ZNF100: variants seen among roughly 807,000 people sequenced by gnomAD.
ZNF100 encodes zinc finger protein 100.
ZNF100 carries 12 observed loss-of-function variants against 15.8 expected under a neutral mutation model. The ratio of observed to expected loss-of-function variants is 0.76; its 90% CI spans 0.49 to 1.23. The LOEUF (loss-of-function observed/expected upper bound fraction) is 1.23, where lower values mean the gene tolerates loss of function less well. ZNF100 is among the 50% of genes most tolerant of loss of function. The probability of loss-of-function intolerance (pLI) is 0.00; values close to 1 mark genes in which losing one functional copy is unlikely to be tolerated. For synonymous variants in ZNF100, 226 were observed against 214.8 expected (o/e 1.05, Z -0.45); for missense variants, 670 against 635.6 (o/e 1.05, Z -0.58).
At chr19:21,760,703 T>C (rs2036468381) in intron 2 of ZNF100, among the ~76,000 whole-genome samples, 1 of 151,574 alleles carries the variant, frequency 6.6e-6, no homozygotes, top group South Asian at 2.1e-4. Context: ...TAAATGCAAG[T>C]TTCTGATAAC....
In ZNF100 at chr19:21,726,123, T is replaced by C. The variant is rs1372738083; in HGVS notation, c.*560A>G. On this transcript the variant is annotated 3_prime_UTR_variant, in exon 5 of 5. Coordinates refer to ENST00000358296, the MANE Select transcript of ZNF100 (RefSeq NM_173531.4). Reference sequence around the variant, plus strand: ...ACAAGTAAACATATTACAATTCTACTACAATGTTCTTCTTCAAAATACTCT... The same window carrying C: ...ACAAGTAAACATATTACAATTCTACCACAATGTTCTTCTTCAAAATACTCT... 1 of 152,616 alleles carries C rather than the reference T, an allele frequency of 6.6e-6. No individual in the cohort carries two copies. The highest frequency in any genetic ancestry group is 6.5e-5 in the Admixed American group (1 of 15,316). 9.5% of individuals were successfully genotyped at this position (152,616 alleles called of 1,614,324 possible). A position where few individuals can be genotyped will look rare whatever the true frequency, so the allele number is the denominator to read the frequency against.
At chr19:21,751,860 G>C in intron 2 of ZNF100, 1 of 741,306 alleles carries the variant, frequency 1.3e-6, no homozygotes, top group Non-Finnish European at 2.3e-6. Flanking sequence ...GCTGTAAGAA[G>C]GTCTTTCAGC....
chr19:21,730,445 AGTGTGTGTGTGTGTGTGTGT>A (rs58942514), intron 4 of ZNF100, among the ~76,000 whole-genome samples: 1 of 147,606 alleles, frequency 6.8e-6, no homozygotes, highest in Admixed American at 6.9e-5. Context: ...TGATAACCTA[AGTGTGTGTGTGTGTGTGTGT>A]GTGTGTGTGT....
At chr19:21,750,784 G>A in intron 2 of ZNF100, 1 of 386,976 alleles carries the variant, frequency 2.6e-6, no homozygotes, top group Non-Finnish European at 4.6e-6. Context: ...GGCGGCTGCT[G>A]AGGGCGGCGA....
At chr19:21,756,837 T>C (rs531440787) in intron 2 of ZNF100, among the ~76,000 whole-genome samples, 1 of 152,270 alleles carries the variant, frequency 6.6e-6, no homozygotes, top group South Asian at 2.1e-4. Flanking sequence ...CTCTTCAAAC[T>C]ACACTACAGG....
At chr19:21,738,808 T>C (rs1240462334) in intron 4 of ZNF100, among the ~76,000 whole-genome samples, 3 of 152,084 alleles carry the variant, frequency 2.0e-5, no homozygotes, top group Non-Finnish European at 2.9e-5. Flanking sequence ...TAGCTGGGCA[T>C]GGTGGCGGGT....
intron 2 of ZNF100, among the ~76,000 whole-genome samples, chr19:21,760,774 T>TTTTG (rs2036471017): frequency 2.0e-5 from 2 of 99,944 alleles, no homozygotes; most frequent in East Asian, 3.0e-4. Context: ...TTTTTTTTTT[T>TTTTG]GAGATGGAGT....
At chr19:21,735,977 A>C (rs1393524569) in intron 4 of ZNF100, among the ~76,000 whole-genome samples, 1 of 151,940 alleles carries the variant, frequency 6.6e-6, no homozygotes, top group Non-Finnish European at 1.5e-5. Flanking sequence ...TTTAGTAGAG[A>C]CGGGGTTTCA....
chr19:21,751,108 AC>A, intron 2 of ZNF100: 1 of 1,433,082 alleles, frequency 7.0e-7, no homozygotes, highest in South Asian at 1.1e-5. Flanking sequence ...AAGGGCAAGC[AC>A]AAGTTTCCTG....
At chr19:21,728,124 A>G in intron 4 of ZNF100, 135 bp from the exon 5 acceptor site, 1 of 847,630 alleles carries the variant, frequency 1.2e-6, no homozygotes, top group East Asian at 3.2e-5. Flanking sequence ...TTATAGACAT[A>G]TAAATGTAAA....
chr19:21,746,778 TAGA>T (rs2036218090), intron 2 of ZNF100: 1 of 152,132 alleles, frequency 6.6e-6, no homozygotes, highest in Admixed American at 6.6e-5. Context: ...CATGAGACTC[TAGA>T]AAAGAGTGGA....
intron 2 of ZNF100, among the ~76,000 whole-genome samples, chr19:21,759,630 T>C (rs2036448298): frequency 6.6e-6 from 1 of 152,148 alleles, no homozygotes; most frequent in Non-Finnish European, 1.5e-5. Flanking sequence ...TAAAACAGTT[T>C]GCAGTAAAGA....
intron 2 of ZNF100, among the ~76,000 whole-genome samples, chr19:21,745,599 T>C (rs941665714): frequency 1.3e-5 from 2 of 151,854 alleles, no homozygotes; most frequent in African/African-American, 4.8e-5. Flanking sequence ...CTCGGCTCAC[T>C]GCAAGCTCCG....
Position 21,727,136 on chromosome 19 carries a change from C to A in ZNF100, c.1176G>T (p.Lys392Asn), listed in dbSNP as rs778148854. The A allele has an allele frequency of 2.2e-5, 35 of 1,611,600 alleles. 1 individual carries two copies. The South Asian group carries it at 3.7e-4, about 17-fold the overall frequency. Residue 392 changes from lysine to asparagine, a missense_variant, in exon 5 of 5, where the codon AAG (lysine) becomes AAT (asparagine). By Grantham distance (94) the Lys-to-Asn change is moderately conservative. Coordinates refer to ENST00000358296, the MANE Select transcript of ZNF100 (RefSeq NM_173531.4). ...AGAATTTCTCTCCAGTATGACTTGT[C>A]TTATGTTTAGTAAGGTATGAGAATC... ...FYRFSYLTKHKTSHTGEKFYK... is the reference protein window; with the variant it reads ...FYRFSYLTKHNTSHTGEKFYK...
intron 4 of ZNF100, among the ~76,000 whole-genome samples, chr19:21,740,285 C>A (rs536749316): frequency 5.9e-5 from 9 of 152,256 alleles, no homozygotes; most frequent in African/African-American, 2.2e-4. Context: ...AAAGTTGGAT[C>A]ATTTCCTTGA....
chr19:21,742,190 G>A (rs1347989750), intron 4 of ZNF100, among the ~76,000 whole-genome samples: 9 of 151,580 alleles, frequency 5.9e-5, no homozygotes, highest in Admixed American at 3.9e-4. Context: ...CCAGCTACTC[G>A]GGACGCTGAG....
Position 21,727,580 on chromosome 19 carries a change from C to T in ZNF100, c.732G>A (p.Trp244Ter). Residue 244 changes from tryptophan (W) to a stop codon, truncating the protein, a stop_gained, in exon 5 of 5, where the codon TGG (tryptophan) becomes TGA (stop). Transcript: ENST00000358296. LOFTEE classifies it low-confidence loss of function (END_TRUNC). ...TCCTGTGTGTAGTAAGGGTTGAGAA[C>T]CAGTTGAAGGCTTTGCCACAATCTT... The part of the protein sequence containing the change: ...QCKDCGKAFN[W>*]FSTLTTHRRI... 1 of 1,613,652 alleles carries T rather than the reference C, an allele frequency of 6.2e-7. No individual in the cohort carries two copies. The highest frequency in any genetic ancestry group is 8.5e-7 in the Non-Finnish European group (1 of 1,179,786).
At chr19:21,759,402 A>C (rs2036443877) in intron 2 of ZNF100, among the ~76,000 whole-genome samples, 1 of 152,236 alleles carries the variant, frequency 6.6e-6, no homozygotes, top group African/African-American at 2.4e-5. Flanking sequence ...GGAACAGTTT[A>C]TGGAAAGAAA....
At position 21,767,571 on chromosome 19, in the gene ZNF100, G is replaced by C; in HGVS notation, c.-142C>G. On this transcript the variant is annotated 5_prime_UTR_variant, in exon 1 of 5. Coordinates refer to ENST00000358296, the MANE Select transcript of ZNF100 (RefSeq NM_173531.4). ...ACCTGGAGCTCCGGCTACAGCGAGA[G>C]ACAAAGACCCCGCCAAACCCGGAAG... 3 of 1,347,500 alleles carry C rather than the reference G, an allele frequency of 2.2e-6. No individual in the cohort carries two copies. The highest frequency in any genetic ancestry group is 2.2e-5 in the Admixed American group (1 of 45,456). The allele number at this position is 1,347,500 out of a possible 1,614,324, so 83.5% of individuals were successfully genotyped here.
Sources: allele counts gnomAD v4.1 joint callset (sites outside exome capture counted in the v4.1 genomes callset), GRCh38; gene constraint gnomAD v4.1.1; transcripts MANE v1.5; gene names NCBI Gene and HGNC (gene_info 2026-07-23, HGNC 2026-07-21).